Variants in GALNT18 observed in about 807,000 individuals in gnomAD.
The protein encoded by GALNT18 is polypeptide N-acetylgalactosaminyltransferase 18, also known as GalNAc-transferase 18.
A neutral mutation model predicts 69.5 loss-of-function variants in GALNT18; 44 were observed. That is an observed-to-expected ratio of 0.63 (90% CI 0.50 to 0.81). GALNT18 has a LOEUF of 0.81. Among genes scored for constraint, GALNT18 ranks in the 40% least tolerant of loss-of-function variants. The pLI, the probability that GALNT18 is intolerant of heterozygous loss-of-function variation, is 0.00. For synonymous variants in GALNT18, 364 were observed against 318.2 expected, an observed-to-expected ratio of 1.14 and a Z score of -1.53; for missense variants, 715 against 810.0, an observed-to-expected ratio of 0.88 and a Z score of 1.42.
rs1856840977 is a variant in GALNT18 at position 11,494,910 on chromosome 11, G to T, written c.236-45974C>A. On this transcript the variant is annotated intron_variant, in intron 1 of 10. Transcript: ENST00000227756. The surrounding 1 kb of genome is among the most constrained non-coding windows in gnomAD (Gnocchi z 5.7). Reference sequence around the variant, plus strand: ...ATGCCAAATTCCACCAAAGGAAAATGCAATAACATGGAGTTATAAGCCAAT... The same window carrying T: ...ATGCCAAATTCCACCAAAGGAAAATTCAATAACATGGAGTTATAAGCCAAT... Among the ~76,000 whole-genome samples, 1 of 152,088 alleles carries T rather than the reference G, an allele frequency of 6.6e-6. No homozygotes were observed. The highest frequency in any genetic ancestry group is 1.5e-5 in the Non-Finnish European group (1 of 68,020).
intron 6 of GALNT18, among the ~76,000 whole-genome samples, chr11:11,370,231 T>C (rs779187798): frequency 6.6e-6 from 1 of 152,238 alleles, no homozygotes; most frequent in Non-Finnish European, 1.5e-5. Context: ...CTTTGAATAA[T>C]CTGCCTCTGC....
intron 1 of GALNT18, among the ~76,000 whole-genome samples, chr11:11,608,764 C>A (rs561910281): frequency 6.6e-6 from 1 of 152,282 alleles, no homozygotes; most frequent in African/African-American, 2.4e-5. Flanking sequence ...CTCATGACTG[C>A]CTGCACACTC....
At chr11:11,330,265 G>A (rs1158493247) in intron 8 of GALNT18, among the ~76,000 whole-genome samples, 1 of 152,134 alleles carries the variant, frequency 6.6e-6, no homozygotes, top group Admixed American at 6.5e-5. Context: ...GCATGAGTTG[G>A]AACAGAAAAA....
At chr11:11,360,334 C>T (rs902075753) in intron 6 of GALNT18, among the ~76,000 whole-genome samples, 1 of 152,216 alleles carries the variant, frequency 6.6e-6, no homozygotes, top group Non-Finnish European at 1.5e-5. Context: ...CGCAATGCAT[C>T]AGGATCTTTC....
chr11:11,314,300 C>T lies in GALNT18; in HGVS notation c.1512+12786G>A, dbSNP rs1849715965. Among the ~76,000 whole-genome samples, 1 of 152,142 alleles carries T rather than the reference C, an allele frequency of 6.6e-6. No individual in the cohort carries two copies. The highest frequency in any genetic ancestry group is 2.4e-5 in the African/African-American group (1 of 41,416). The stretch of plus-strand genomic sequence containing the variant: ...AGTTTAATAAAAGTCATGCAAAACT[C>T]ACTGTTTACAACTCTAATTGTGGAG... On this transcript the variant is annotated intron_variant, in intron 9 of 10. Transcript: ENST00000227756. The surrounding 1 kb of genome is among the most constrained non-coding windows in gnomAD (Gnocchi z 5.2).
chr11:11,371,916 C>T (rs532162006), intron 6 of GALNT18, among the ~76,000 whole-genome samples: 1 of 152,180 alleles, frequency 6.6e-6, no homozygotes, highest in African/African-American at 2.4e-5. Flanking sequence ...ATGCCATGAG[C>T]TGATTGCTGG....
At chr11:11,279,919 A>T (rs1849033286) in intron 10 of GALNT18, among the ~76,000 whole-genome samples, 1 of 151,770 alleles carries the variant, frequency 6.6e-6, no homozygotes, top group Non-Finnish European at 1.5e-5. Flanking sequence ...GAAATAAAAA[A>T]TCCAGCTCCC....
At position 11,613,483 on chromosome 11, in the gene GALNT18, G is replaced by C. The variant is rs756125683; in HGVS notation, c.235+7876C>G. Among the ~76,000 whole-genome samples, 17 of 152,176 alleles carry C rather than the reference G, an allele frequency of 1.1e-4. No homozygotes were observed. The highest frequency in any genetic ancestry group is 1.9e-4 in the Non-Finnish European group (13 of 68,032). The stretch of plus-strand genomic sequence containing the variant: ...TGCCTTCTCAAGTAGGAAAATAAAG[G>C]GTGGAGTAAGAATGAATGCAATGTG... On this transcript the variant is annotated intron_variant, in intron 1 of 10. Transcript: ENST00000227756. This position sits in a 1 kb window ranked among gnomAD's most constrained non-coding sequence, Gnocchi z 4.2.
rs1396282511 is a variant in GALNT18, at chr11:11,480,266, TTCTC to T, written c.236-31334_236-31331del. On this transcript the variant is annotated intron_variant, in intron 1 of 10. Transcript: ENST00000227756. The surrounding 1 kb of genome is among the most constrained non-coding windows in gnomAD (Gnocchi z 4.6). ...TTCCTTCCTTCCTCTCTCTCTCTCT[TTCTC>T]TCTCTCTCGCCCCCCTCGCCCCAAC... 6.6e-6 allele frequency among the ~76,000 whole-genome samples: 1 copy of T among 151,390 alleles called. No individual in the cohort carries two copies. The highest frequency in any genetic ancestry group is 1.5e-5 in the Non-Finnish European group (1 of 67,856).
rs576809914 is a variant in GALNT18 at position 11,301,399 on chromosome 11, C to T, written c.1513-8206G>A. On this transcript the variant is annotated intron_variant, in intron 9 of 10. Transcript: ENST00000227756. ...AAGGGTTTGGTTATTGGTCATTAAC[C>T]CCTTGACACAGAAGTTCGCTACAGT... Among the ~76,000 whole-genome samples, 7 of 152,250 alleles carry T rather than the reference C, an allele frequency of 4.6e-5. No homozygotes were observed. The East Asian group carries it at 1.4e-3, about 29-fold the overall frequency.
intron 1 of GALNT18, among the ~76,000 whole-genome samples, chr11:11,608,307 C>T (rs573013827): frequency 1.3e-4 from 20 of 152,246 alleles, no homozygotes; most frequent in South Asian, 1.2e-3. Flanking sequence ...AACTTGTTGT[C>T]CCCGGTAGCT....
At chr11:11,425,554 A>C (rs1348525069) in intron 3 of GALNT18, among the ~76,000 whole-genome samples, 1 of 152,232 alleles carries the variant, frequency 6.6e-6, no homozygotes, top group Non-Finnish European at 1.5e-5. Flanking sequence ...TGTGATTTTT[A>C]TGTTTATCAA....
At chr11:11,611,417 C>T (rs1859897185) in intron 1 of GALNT18, among the ~76,000 whole-genome samples, 1 of 152,172 alleles carries the variant, frequency 6.6e-6, no homozygotes, top group Admixed American at 6.5e-5. Flanking sequence ...TGGACCCTCA[C>T]CTTCTTCTTT....
At chr11:11,560,414 A>T (rs1413026184) in intron 1 of GALNT18, among the ~76,000 whole-genome samples, 1 of 152,206 alleles carries the variant, frequency 6.6e-6, no homozygotes, top group Non-Finnish European at 1.5e-5. Flanking sequence ...CTCAAAGCAG[A>T]TTCAGAAAGA....
At chr11:11,322,477 T>A (rs1396616556) in intron 9 of GALNT18, among the ~76,000 whole-genome samples, 1 of 152,230 alleles carries the variant, frequency 6.6e-6, no homozygotes, top group Non-Finnish European at 1.5e-5. Context: ...ACCAACTACT[T>A]GTGACCTGGC....
intron 9 of GALNT18, 142 bp from the exon 10 acceptor site, chr11:11,293,335 G>T: frequency 2.0e-6 from 1 of 509,868 alleles, no homozygotes; most frequent in Non-Finnish European, 3.1e-6. Context: ...GTGGCCTTCA[G>T]ATTATTTTCT....
chr11:11,551,901 G>A (rs1318240546), intron 1 of GALNT18, among the ~76,000 whole-genome samples: 1 of 152,152 alleles, frequency 6.6e-6, no homozygotes, highest in Non-Finnish European at 1.5e-5. Flanking sequence ...ATTCTCCAGG[G>A]TGGGGAGAAT....
chr11:11,289,315 C>T (rs886557693), intron 10 of GALNT18, among the ~76,000 whole-genome samples: 3 of 152,104 alleles, frequency 2.0e-5, no homozygotes, highest in African/African-American at 7.3e-5. Flanking sequence ...ATAGTATTTC[C>T]AAACAGTTCC....
chr11:11,432,071 G>A lies in GALNT18; in HGVS notation c.595+550C>T, dbSNP rs1564945950. On this transcript the variant is annotated intron_variant, in intron 3 of 10. Transcript: ENST00000227756. This position sits in a 1 kb window ranked among gnomAD's most constrained non-coding sequence, Gnocchi z 5.8. ...TGCAGGCCACCCAGGGTCTGGCTAG[G>A]GACAGATGGAACAGGGAACAGGGGA... Among the ~76,000 whole-genome samples the A allele has an allele frequency of 6.6e-6, 1 of 152,156 alleles. No individual in the cohort carries two copies. The highest frequency in any genetic ancestry group is 2.4e-5 in the African/African-American group (1 of 41,434).
Sources: allele counts gnomAD v4.1 joint callset (sites outside exome capture counted in the v4.1 genomes callset), GRCh38; gene constraint gnomAD v4.1.1; non-coding constraint Gnocchi (gnomAD v3.1); transcripts MANE v1.5; gene names NCBI Gene and HGNC (gene_info 2026-07-23, HGNC 2026-07-21).